The following LPIN2 variants were observed in gnomAD, a reference collection of about 807,000 sequenced individuals.
LPIN2 encodes the protein phosphatidate phosphatase LPIN2.
LPIN2 carries 55 observed loss-of-function variants against 111.4 expected under a neutral mutation model. The ratio of observed to expected loss-of-function variants is 0.49; its 90% CI spans 0.40 to 0.62. The LOEUF is 0.62. Ranked by LOEUF, LPIN2 falls within the 20% of genes least tolerant of loss-of-function variation. The pLI is 0.00. For missense variants in LPIN2, 992 were observed against 1,112.1 expected (o/e 0.89, Z 1.54); for synonymous variants, 425 against 414.0 (o/e 1.03, Z -0.32).
intron 1 of LPIN2, among the ~76,000 whole-genome samples, chr18:2,981,871 C>A (rs917542703): frequency 2.6e-5 from 4 of 152,150 alleles, no homozygotes; most frequent in African/African-American, 9.7e-5. Flanking sequence ...ATTTTAGAAA[C>A]TAATTTTTGT....
At chr18:3,001,657 A>C (rs1433037700) in intron 1 of LPIN2, among the ~76,000 whole-genome samples, 2 of 152,154 alleles carry the variant, frequency 1.3e-5, no homozygotes, top group Non-Finnish European at 1.5e-5. Context: ...CAAGCATGGA[A>C]TCAAATCCCA....
intron 1 of LPIN2, among the ~76,000 whole-genome samples, chr18:2,970,592 A>C (rs1021714324): frequency 1.3e-5 from 2 of 152,228 alleles, no homozygotes; most frequent in Non-Finnish European, 2.9e-5. Context: ...AGAGGACTTA[A>C]ATCAGACAGG....
At chr18:2,920,684 T>A (rs1443136106) in intron 19 of LPIN2, 94 bp downstream of exon 19, 32 of 954,796 alleles carry the variant, frequency 3.4e-5, no homozygotes, top group South Asian at 3.2e-4. Flanking sequence ...CAGGGCCTGA[T>A]CTCAAGGATC....
At position 2,925,754 on chromosome 18, in the gene LPIN2, C is replaced by T. The variant is rs140137296; in HGVS notation, c.1794-386G>A. Among the ~76,000 whole-genome samples the T allele has an allele frequency of 6.6e-6, 1 of 152,308 alleles. No homozygotes were observed. The highest frequency in any genetic ancestry group is 1.9e-4 in the East Asian group (1 of 5,182). On this transcript the variant is annotated intron_variant, in intron 13 of 19. Transcript: ENST00000677752. This position sits in a 1 kb window ranked among gnomAD's most constrained non-coding sequence, Gnocchi z 4.1. ...GGTGCGGTGCCTCACACCTGTAATC[C>T]CAACACTTTGGGAGGCCGAGTTAGG...
Position 2,934,456 on chromosome 18 carries a change from T to TAA in LPIN2, c.1169-8_1169-7dup. ...TTGGCTTCTTTTGTGAACACCTGTTTAAAAAAAAAATCAGAGGTAAGAATT... is the reference window on the plus strand; with the variant it reads ...TTGGCTTCTTTTGTGAACACCTGTTTAAAAAAAAAAAATCAGAGGTAAGAATT... On this transcript the variant is annotated splice_region_variant and splice_polypyrimidine_tract_variant and intron_variant, in intron 7 of 19. Coordinates refer to ENST00000677752, the MANE Select transcript of LPIN2 (RefSeq NM_001375808.2). 16 of 1,499,336 alleles carry TAA rather than the reference T, an allele frequency of 1.1e-5. No homozygotes were observed. Among genetic ancestry groups the TAA allele is most frequent in the Admixed American group, 1.7e-5 (1 of 57,226 alleles). The allele number at this position is 1,499,336 out of a possible 1,614,324, so 92.9% of individuals were successfully genotyped here. A position where few individuals can be genotyped will look rare whatever the true frequency, so the allele number is the denominator to read the frequency against.
chr18:2,946,359 T>A, intron 4 of LPIN2: 1 of 1,500,076 alleles, frequency 6.7e-7, no homozygotes, highest in Non-Finnish European at 9.3e-7. Context: ...CTACCTTTTG[T>A]ACAGCCTACA....
At chr18:3,003,106 G>T (rs1317362351) in intron 1 of LPIN2, among the ~76,000 whole-genome samples, 1 of 152,150 alleles carries the variant, frequency 6.6e-6, no homozygotes, top group Non-Finnish European at 1.5e-5. Context: ...TTACAAAAGA[G>T]ACAACTGAGT....
chr18:2,952,483 T>C (rs1269041926), intron 3 of LPIN2, among the ~76,000 whole-genome samples: 5 of 152,172 alleles, frequency 3.3e-5, no homozygotes, highest in East Asian at 3.8e-4. Flanking sequence ...TTTTAAACAA[T>C]AGTTCTGAAA....
intron 1 of LPIN2, among the ~76,000 whole-genome samples, chr18:3,012,818 C>G (rs1695220499): frequency 6.6e-6 from 1 of 151,758 alleles, no homozygotes; most frequent in Admixed American, 6.6e-5. Flanking sequence ...GCCCCCGGCT[C>G]CCCGCGCACC....
At chr18:2,980,598 A>C (rs1182292936) in intron 1 of LPIN2, among the ~76,000 whole-genome samples, 1 of 152,202 alleles carries the variant, frequency 6.6e-6, no homozygotes, top group Non-Finnish European at 1.5e-5. Flanking sequence ...GCTTTTTGGC[A>C]TCAACCAGAG....
At chr18:2,955,249 C>T (rs1027011626) in intron 2 of LPIN2, among the ~76,000 whole-genome samples, 7 of 152,150 alleles carry the variant, frequency 4.6e-5, no homozygotes, top group Non-Finnish European at 7.3e-5. Context: ...GTTTAACTGG[C>T]TCATGGTTCT....
chr18:3,011,411 GC>G (rs2078600492), intron 1 of LPIN2, among the ~76,000 whole-genome samples: 1 of 152,022 alleles, frequency 6.6e-6, no homozygotes, highest in African/African-American at 2.4e-5. Context: ...TCTGGCTGGG[GC>G]GGTTGCTCAC....
intron 6 of LPIN2, among the ~76,000 whole-genome samples, chr18:2,939,253 A>G (rs959661099): frequency 3.9e-5 from 6 of 152,266 alleles, no homozygotes; most frequent in African/African-American, 1.4e-4. Flanking sequence ...ATTATTATTC[A>G]GTAAATAGAA....
intron 4 of LPIN2, among the ~76,000 whole-genome samples, chr18:2,944,995 T>A (rs1234496030): frequency 1.3e-5 from 2 of 152,206 alleles, no homozygotes; most frequent in Non-Finnish European, 2.9e-5. Flanking sequence ...TAACAATTCA[T>A]ATATTCCCCT....
intron 1 of LPIN2, among the ~76,000 whole-genome samples, chr18:2,962,144 CCT>C (rs1265564270): frequency 6.6e-6 from 1 of 152,102 alleles, no homozygotes; most frequent in African/African-American, 2.4e-5. Flanking sequence ...ACGGCAGAGC[CCT>C]GATTCTAAAT....
chr18:2,926,796 A>T lies in LPIN2; in HGVS notation c.1720T>A (p.Ser574Thr), dbSNP rs148779863. ...RESMTKQLPE[S>T]KEGKSEAPPA... The stretch of plus-strand genomic sequence containing the variant: ...GGTGCCTCAGATTTTCCCTCCTTGG[A>T]TTCTGGCAGCTGTAACAGCAAGATG... Residue 574 changes from serine (S) to threonine (T), a missense_variant, in exon 13 of 20, where the codon TCC (serine) becomes ACC (threonine). Ser to Thr is a moderately conservative substitution (Grantham distance 58). This residue lies in a region of LPIN2 where 709 missense variants were observed against 753.2 expected (regional missense o/e 0.94). Coordinates refer to ENST00000677752, the MANE Select transcript of LPIN2 (RefSeq NM_001375808.2). 1.4e-5 allele frequency: 23 copies of T among 1,613,794 alleles called. No individual in the cohort carries two copies. The highest frequency in any genetic ancestry group is 1.6e-4 in the Middle Eastern group (1 of 6,062).
chr18:2,935,231 T>G (rs1013795890), intron 7 of LPIN2, among the ~76,000 whole-genome samples: 2 of 152,274 alleles, frequency 1.3e-5, no homozygotes, highest in Admixed American at 6.5e-5. Context: ...TTTATTGGCT[T>G]AGATGAAATA....
chr18:2,997,044 T>A (rs3016595), intron 1 of LPIN2, among the ~76,000 whole-genome samples: 1 of 151,730 alleles, frequency 6.6e-6, no homozygotes, highest in Non-Finnish European at 1.5e-5. Flanking sequence ...TGCGGTGGCG[T>A]GATCTCGGCT....
chr18:3,002,277 G>A (rs905101849), intron 1 of LPIN2, among the ~76,000 whole-genome samples: 3 of 142,814 alleles, frequency 2.1e-5, no homozygotes, highest in Admixed American at 6.9e-5. Flanking sequence ...AACAACATAG[G>A]TATACCAGTA....
Sources: allele counts gnomAD v4.1 joint callset (sites outside exome capture counted in the v4.1 genomes callset), GRCh38; gene constraint gnomAD v4.1.1; regional missense constraint gnomAD v4.1.1; non-coding constraint Gnocchi (gnomAD v3.1); transcripts MANE v1.5; gene names NCBI Gene and HGNC (gene_info 2026-07-23, HGNC 2026-07-21).